Variants in VTA1 observed in about 807,000 individuals in gnomAD.
VTA1 encodes vesicle trafficking 1, also known as vacuolar protein sorting-associated protein VTA1 homolog.
In VTA1, 24 loss-of-function variants were observed where a neutral mutation model predicts 36.9. That is an observed-to-expected ratio of 0.65 (90% CI 0.47 to 0.91). The LOEUF (loss-of-function observed/expected upper bound fraction) is 0.91. Ranked by LOEUF, VTA1 falls within the 40% of genes least tolerant of loss-of-function variation. The pLI, the probability that VTA1 is intolerant of heterozygous loss-of-function variation, is 0.00. For synonymous variants in VTA1, 142 were observed against 130.2 expected (o/e 1.09, Z -0.62); for missense variants, 393 against 377.2 (o/e 1.04, Z -0.35).
chr6:142,190,793 G>C (rs1166417455), intron 5 of VTA1, among the ~76,000 whole-genome samples: 1 of 152,126 alleles, frequency 6.6e-6, no homozygotes, highest in Non-Finnish European at 1.5e-5. Flanking sequence ...TGTCTTTGTT[G>C]CAGCTGTTTA....
At chr6:142,194,230 A>G (rs1775504071) in intron 5 of VTA1, among the ~76,000 whole-genome samples, 1 of 152,112 alleles carries the variant, frequency 6.6e-6, no homozygotes, top group Non-Finnish European at 1.5e-5. Flanking sequence ...GAGTAACTCA[A>G]TCTTCTTTTC....
At chr6:142,168,754 T>C in intron 2 of VTA1, among the ~76,000 whole-genome samples, 1 of 146,044 alleles carries the variant, frequency 6.8e-6, no homozygotes, top group East Asian at 2.0e-4. Flanking sequence ...ATTATTATTA[T>C]TATTATTATT....
chr6:142,160,025 T>C (rs1012398674), intron 1 of VTA1, among the ~76,000 whole-genome samples: 3 of 152,228 alleles, frequency 2.0e-5, no homozygotes, highest in African/African-American at 7.2e-5. Flanking sequence ...TCTGTTGGCC[T>C]CTTTAGTAAT....
chr6:142,169,732 A>C (rs908552252), intron 3 of VTA1, 55 bp downstream of exon 3: 3 of 1,414,742 alleles, frequency 2.1e-6, no homozygotes, highest in African/African-American at 3.0e-5. Context: ...TGTATAACCA[A>C]AATTAACTAG....
chr6:142,176,103 T>C (rs1177282721), intron 4 of VTA1, among the ~76,000 whole-genome samples: 1 of 152,204 alleles, frequency 6.6e-6, no homozygotes, highest in Non-Finnish European at 1.5e-5. Context: ...TATAGCATCT[T>C]GTATAATCTG....
chr6:142,181,090 A>ATATATATATATATATATATATAT (rs1554219828), intron 4 of VTA1, among the ~76,000 whole-genome samples: 2 of 41,064 alleles, frequency 4.9e-5, no homozygotes, highest in Non-Finnish European at 1.1e-4. Flanking sequence ...AAAAAAAAAA[A>ATATATATATATATATATATATAT]AAAAATATAT....
In VTA1 at chr6:142,223,440, G is replaced by A. The variant is rs572150094; in HGVS notation, c.*4797G>A. On this transcript the variant is annotated 3_prime_UTR_variant, in exon 8 of 8. Coordinates refer to ENST00000367630, the MANE Select transcript of VTA1 (RefSeq NM_016485.5). Reference sequence around the variant, plus strand: ...CTAACTAAAAATTCTTCATCTTCAGGAAATAAGATTGAGATACGGACTGAA... The same window carrying A: ...CTAACTAAAAATTCTTCATCTTCAGAAAATAAGATTGAGATACGGACTGAA... 131 of 152,104 alleles carry A rather than the reference G, an allele frequency of 8.6e-4. No individual in the cohort carries two copies. The highest frequency in any genetic ancestry group is 3.0e-3 in the African/African-American group (124 of 41,492). The allele number at this position is 152,104 out of a possible 1,614,324, so 9.4% of individuals were successfully genotyped here.
Position 142,174,109 on chromosome 6 carries a change from C to T in VTA1, c.411+3688C>T, listed in dbSNP as rs570816823. 1.9e-3 allele frequency among the ~76,000 whole-genome samples: 285 copies of T among 152,168 alleles called. 2 individuals carry two copies. The highest frequency in any genetic ancestry group is 6.1e-3 in the African/African-American group (255 of 41,534). ...TCACTGCTTAGTGGAGCTGTAGGAGCGGGACTGCCACCACCCAGACCTACC... is the reference window on the plus strand; with the variant it reads ...TCACTGCTTAGTGGAGCTGTAGGAGTGGGACTGCCACCACCCAGACCTACC... On this transcript the variant is annotated intron_variant, in intron 4 of 7. Transcript: ENST00000367630.
Position 142,222,504 on chromosome 6 carries a change from A to G in VTA1, c.*3861A>G, listed in dbSNP as rs1776129966. ...AATTAATATCCTCAGATGTTTTTAGAATTTATATATGACTTGTAATTCTAG... is the reference window on the plus strand; with the variant it reads ...AATTAATATCCTCAGATGTTTTTAGGATTTATATATGACTTGTAATTCTAG... On this transcript the variant is annotated 3_prime_UTR_variant, in exon 8 of 8. Transcript: ENST00000367630. The G allele has an allele frequency of 6.6e-6, 1 of 152,184 alleles. No homozygotes were observed. The allele number at this position is 152,184 out of a possible 1,614,324, so 9.4% of individuals were successfully genotyped here.
At chr6:142,193,386 T>C (rs921553660) in intron 5 of VTA1, among the ~76,000 whole-genome samples, 1 of 152,170 alleles carries the variant, frequency 6.6e-6, no homozygotes, top group Non-Finnish European at 1.5e-5. Flanking sequence ...TTGCTATTAA[T>C]AAGTAATTTG....
chr6:142,173,876 G>A (rs967005814), intron 4 of VTA1, among the ~76,000 whole-genome samples: 3 of 152,172 alleles, frequency 2.0e-5, no homozygotes, highest in Non-Finnish European at 2.9e-5. Flanking sequence ...AGATTGGGGT[G>A]ATGGGATGGG....
chr6:142,180,284 G>A (rs1775203088), intron 4 of VTA1, among the ~76,000 whole-genome samples: 1 of 152,136 alleles, frequency 6.6e-6, no homozygotes, highest in Non-Finnish European at 1.5e-5. Flanking sequence ...CATAATCATA[G>A]GACCCAGAAG....
At chr6:142,164,253 TTGATC>T (rs1361186228) in intron 1 of VTA1, among the ~76,000 whole-genome samples, 13 of 152,312 alleles carry the variant, frequency 8.5e-5, no homozygotes, top group African/African-American at 2.9e-4. Flanking sequence ...GAGATAACAT[TTGATC>T]TGAGATCAAA....
chr6:142,164,001 G>C (rs890682257), intron 1 of VTA1, among the ~76,000 whole-genome samples: 5 of 151,956 alleles, frequency 3.3e-5, no homozygotes, highest in African/African-American at 9.7e-5. Context: ...GCCAATCCCT[G>C]GGATCATATG....
At chr6:142,201,574 G>C (rs1182318669) in intron 6 of VTA1, among the ~76,000 whole-genome samples, 1 of 151,838 alleles carries the variant, frequency 6.6e-6, no homozygotes, top group African/African-American at 2.4e-5. Context: ...TATTACAGGA[G>C]AAGATTTTAG....
At position 142,169,812 on chromosome 6, in the gene VTA1, C is replaced by T. The variant is rs2232304; in HGVS notation, c.335+135C>T. 2.6e-4 allele frequency: 205 copies of T among 793,076 alleles called. No individual in the cohort carries two copies. The African/African-American group carries it at 3.1e-3, about 12-fold the overall frequency. The allele number at this position is 793,076 out of a possible 1,614,324, so 49.1% of individuals were successfully genotyped here. On this transcript the variant is annotated intron_variant, in intron 3 of 7. Coordinates refer to ENST00000367630, the MANE Select transcript of VTA1 (RefSeq NM_016485.5). ...TTTAGAAAAAAATTATCAAACCTCACGGTGATTTTAGATTACAAATTCGGG... is the reference window on the plus strand; with the variant it reads ...TTTAGAAAAAAATTATCAAACCTCATGGTGATTTTAGATTACAAATTCGGG...
chr6:142,210,524 A>G (rs1775883629), intron 7 of VTA1, among the ~76,000 whole-genome samples: 1 of 152,248 alleles, frequency 6.6e-6, no homozygotes, highest in Non-Finnish European at 1.5e-5. Flanking sequence ...TTTGCAATCC[A>G]TCTATCTGAC....
At chr6:142,216,079 T>G (rs1776000187) in intron 7 of VTA1, among the ~76,000 whole-genome samples, 2 of 152,138 alleles carry the variant, frequency 1.3e-5, no homozygotes, top group African/African-American at 4.8e-5. Context: ...AAGGTCCACT[T>G]GCACCCTCTC....
At chr6:142,201,627 G>T (rs1041626343) in intron 6 of VTA1, among the ~76,000 whole-genome samples, 2 of 151,862 alleles carry the variant, frequency 1.3e-5, no homozygotes, top group Non-Finnish European at 2.9e-5. Flanking sequence ...TATGATTAAA[G>T]CTAGCCTTTC....
Sources: gnomAD v4.1 joint callset for allele counts (sites outside exome capture counted in the v4.1 genomes callset) on GRCh38, gnomAD v4.1.1 for gene constraint, MANE v1.5 for transcripts, NCBI Gene and HGNC (gene_info 2026-07-23, HGNC 2026-07-21) for gene names.